Variants in UNC79 observed in about 807,000 individuals in gnomAD.
UNC79 encodes protein unc-79 homolog.
Under a neutral mutation model 283.1 loss-of-function variants are expected in UNC79, and 37 were observed. That is an observed-to-expected ratio of 0.13 (90% CI 0.10 to 0.17). The LOEUF (loss-of-function observed/expected upper bound fraction) is 0.17. Among genes scored for constraint, UNC79 ranks in the 10% least tolerant of loss-of-function variants. The pLI is 1.00. For missense variants in UNC79, 2,272 were observed against 3,211.1 expected, an observed-to-expected ratio of 0.71 and a Z score of 7.07; for synonymous variants, 1,107 against 1,200.2, an observed-to-expected ratio of 0.92 and a Z score of 1.61.
chr14:93,428,259 G>T (rs892943616), upstream of UNC79, among the ~76,000 whole-genome samples: 1 of 152,142 alleles, frequency 6.6e-6, no homozygotes, highest in African/African-American at 2.4e-5. Context: ...TTGCAAGCAG[G>T]ATGGGAAAAT....
chr14:93,540,918 AG>A (rs1221534928), intron 13 of UNC79, 87 bp downstream of exon 13: 5 of 1,547,242 alleles, frequency 3.2e-6, no homozygotes, highest in Non-Finnish European at 4.4e-6. Context: ...TTCTTTTAAA[AG>A]GAGTAAATAG....
intron 1 of UNC79, chr14:93,347,394 G>A (rs747544302): frequency 6.6e-7 from 1 of 1,522,752 alleles, no homozygotes. Context: ...TGTCTGCCGC[G>A]GTGAGTTGAG....
intron 1 of UNC79, among the ~76,000 whole-genome samples, chr14:93,372,997 T>C (rs2054484523): frequency 6.6e-6 from 1 of 152,116 alleles, no homozygotes; most frequent in African/African-American, 2.4e-5. Flanking sequence ...GAAACCAGAA[T>C]ACAATAACAG....
intron 14 of UNC79, among the ~76,000 whole-genome samples, chr14:93,564,555 T>G (rs1457377068): frequency 6.6e-6 from 1 of 152,202 alleles, no homozygotes. Context: ...TCCCCCAATC[T>G]GAGTCACGGC....
chr14:93,561,124 C>G (rs1450434100), intron 14 of UNC79, among the ~76,000 whole-genome samples: 1 of 152,112 alleles, frequency 6.6e-6, no homozygotes, highest in African/African-American at 2.4e-5. Flanking sequence ...GAAGGCTTAT[C>G]TGTAATATGG....
chr14:93,671,796 A>G (rs143075548), intron 40 of UNC79, among the ~76,000 whole-genome samples: 65 of 152,234 alleles, frequency 4.3e-4, no homozygotes, highest in African/African-American at 1.5e-3. Context: ...AAACAACAAC[A>G]ACAACAAAAA....
chr14:93,516,586 A>G (rs886270825), intron 7 of UNC79, among the ~76,000 whole-genome samples: 2 of 151,686 alleles, frequency 1.3e-5, no homozygotes, highest in Non-Finnish European at 2.9e-5. Flanking sequence ...GGCTGGGATT[A>G]CAGGCATGTG....
intron 26 of UNC79, among the ~76,000 whole-genome samples, chr14:93,610,108 G>T (rs190965553): frequency 1.3e-4 from 20 of 152,304 alleles, no homozygotes; most frequent in Admixed American, 1.3e-3. Context: ...ACATTGTTTA[G>T]AAACATGCCC....
At chr14:93,487,567 T>TC in intron 4 of UNC79, 96 bp from the exon 5 acceptor site, 1 of 975,244 alleles carries the variant, frequency 1.0e-6, no homozygotes, top group Non-Finnish European at 1.5e-6. Context: ...AGCTATTTTT[T>TC]TTTTTAAAGT....
intron 1 of UNC79, among the ~76,000 whole-genome samples, chr14:93,353,690 T>C (rs2054023269): frequency 6.6e-6 from 1 of 152,220 alleles, no homozygotes; most frequent in East Asian, 1.9e-4. Context: ...ACCTGAAACC[T>C]TTCTCTCCTC....
At chr14:93,439,923 C>A (rs2056232215) in intron 1 of UNC79, among the ~76,000 whole-genome samples, 1 of 151,982 alleles carries the variant, frequency 6.6e-6, no homozygotes, top group Non-Finnish European at 1.5e-5. Flanking sequence ...TTTAAAAATT[C>A]CTCTGTTTTG....
At chr14:93,511,629 T>C (rs2059830409) in intron 7 of UNC79, among the ~76,000 whole-genome samples, 1 of 152,018 alleles carries the variant, frequency 6.6e-6, no homozygotes, top group African/African-American at 2.4e-5. Context: ...TGTATTTTAA[T>C]AGAGACGGGG....
At chr14:93,349,924 A>G (rs2053949785) in intron 1 of UNC79, among the ~76,000 whole-genome samples, 1 of 152,186 alleles carries the variant, frequency 6.6e-6, no homozygotes. Flanking sequence ...TAATCTAGAT[A>G]AACTGTTAAA....
At chr14:93,406,685 A>G (rs1251654007) in intron 1 of UNC79, among the ~76,000 whole-genome samples, 1 of 152,212 alleles carries the variant, frequency 6.6e-6, no homozygotes, top group East Asian at 1.9e-4. Flanking sequence ...ATTTATTAAA[A>G]CTCAGTACAA....
Position 93,652,058 on chromosome 14 carries a change from C to T in UNC79, c.6084-1684C>T, listed in dbSNP as rs114139114. Among the ~76,000 whole-genome samples, 996 of 151,230 alleles carry T rather than the reference C, an allele frequency of 6.6e-3. 11 individuals are homozygous for T. The highest frequency in any genetic ancestry group is 0.023 in the African/African-American group (936 of 41,234). On this transcript the variant is annotated intron_variant, in intron 35 of 48. Transcript: ENST00000555664. ...ATTACAGGCGTGAGCCACCGCACCC[C>T]GCCTTTTGTTTCTTTTTATTGCCTT...
intron 14 of UNC79, among the ~76,000 whole-genome samples, chr14:93,567,961 A>G (rs924280420): frequency 1.3e-5 from 2 of 152,228 alleles, no homozygotes; most frequent in Admixed American, 1.3e-4. Flanking sequence ...CTTCCAGATC[A>G]CAGGTAGGTG....
At chr14:93,424,804 CAGT>C (rs1201609931) in intron 1 of UNC79, among the ~76,000 whole-genome samples, 1 of 151,882 alleles carries the variant, frequency 6.6e-6, no homozygotes, top group Non-Finnish European at 1.5e-5. Flanking sequence ...TTTGCTAGCT[CAGT>C]AGAGCGACTG....
At position 93,437,680 on chromosome 14, in the gene UNC79, C is replaced by T. The variant is rs112707375; in HGVS notation, c.22+6629C>T. Among the ~76,000 whole-genome samples, 478 of 152,252 alleles carry T rather than the reference C, an allele frequency of 3.1e-3. 2 individuals are homozygous for T. Among genetic ancestry groups the T allele is most frequent in the Middle Eastern group, 0.014 (4 of 294 alleles). On this transcript the variant is annotated intron_variant, in intron 1 of 48. Transcript: ENST00000555664. ...CAGGGCTGTGCTCTCTCTGCAGGCTCTAGGGAAAAATCTCCCTTCCTTGTG... is the reference window on the plus strand; with the variant it reads ...CAGGGCTGTGCTCTCTCTGCAGGCTTTAGGGAAAAATCTCCCTTCCTTGTG...
intron 7 of UNC79, among the ~76,000 whole-genome samples, chr14:93,514,362 T>G (rs1024759496): frequency 1.7e-4 from 26 of 152,342 alleles, no homozygotes; most frequent in African/African-American, 5.8e-4. Context: ...TCTTTATTCC[T>G]AAGGTGTGAC....
Sources: gnomAD v4.1 joint callset for allele counts (sites outside exome capture counted in the v4.1 genomes callset) on GRCh38, gnomAD v4.1.1 for gene constraint, MANE v1.5 for transcripts, NCBI Gene and HGNC (gene_info 2026-07-23, HGNC 2026-07-21) for gene names.